KATNAL1: variants seen among roughly 807,000 people sequenced by gnomAD.
KATNAL1 encodes katanin p60 ATPase-containing subunit A-like 1.
In KATNAL1, 32 loss-of-function variants were observed where a neutral mutation model predicts 55.2. The observed-to-expected ratio is 0.58, with a 90% CI of 0.44 to 0.78. The LOEUF (loss-of-function observed/expected upper bound fraction) is 0.78. Among genes scored for constraint, KATNAL1 ranks in the 30% least tolerant of loss-of-function variants. The probability of loss-of-function intolerance (pLI) is 0.00; values close to 1 mark genes in which losing one functional copy is unlikely to be tolerated. For synonymous variants in KATNAL1, 193 were observed against 193.6 expected, an observed-to-expected ratio of 1.00 and a Z score of 0.02; for missense variants, 466 against 600.9, an observed-to-expected ratio of 0.78 and a Z score of 2.35.
At chr13:30,263,079 A>G (rs1377725255) in intron 3 of KATNAL1, among the ~76,000 whole-genome samples, 2 of 152,224 alleles carry the variant, frequency 1.3e-5, no homozygotes, top group Non-Finnish European at 2.9e-5. Flanking sequence ...ACAAATCAAT[A>G]AATGTAATCC....
chr13:30,258,004 T>C (rs1284902228), intron 3 of KATNAL1, among the ~76,000 whole-genome samples: 1 of 152,234 alleles, frequency 6.6e-6, no homozygotes, highest in Non-Finnish European at 1.5e-5. Flanking sequence ...AGTGACAGCT[T>C]CCAGGCTGTG....
intron 4 of KATNAL1, 147 bp downstream of exon 4, chr13:30,255,300 T>C (rs974718375): frequency 8.8e-6 from 5 of 565,012 alleles, no homozygotes; most frequent in African/African-American, 7.7e-5. Context: ...GCCTTCAAAA[T>C]ACAAAGACTA....
intron 1 of KATNAL1, among the ~76,000 whole-genome samples, chr13:30,303,363 G>A (rs1408531478): frequency 6.6e-6 from 1 of 152,072 alleles, no homozygotes; most frequent in Non-Finnish European, 1.5e-5. Flanking sequence ...ATTTCCCTGG[G>A]ACTACCATAT....
In KATNAL1 at chr13:30,244,858, A is replaced by G. The variant is rs1593878984; in HGVS notation, c.493-3772T>C. Among the ~76,000 whole-genome samples, 3 of 152,256 alleles carry G rather than the reference A, an allele frequency of 2.0e-5. No individual in the cohort carries two copies. The East Asian group carries it at 5.8e-4, about 29-fold the overall frequency. On this transcript the variant is annotated intron_variant, in intron 4 of 10. Transcript: ENST00000380615. The stretch of plus-strand genomic sequence containing the variant: ...CCCAAGACTAAACCAGGAAGAAGTC[A>G]AATCCCTGACTAGACCAATAACAAG...
At chr13:30,243,178 C>T (rs56178757) in intron 4 of KATNAL1, among the ~76,000 whole-genome samples, 1 of 152,046 alleles carries the variant, frequency 6.6e-6, no homozygotes, top group East Asian at 1.9e-4. Context: ...TACTTTTTTT[C>T]TCATGAAAGC....
At chr13:30,245,401 T>C (rs899775821) in intron 4 of KATNAL1, among the ~76,000 whole-genome samples, 4 of 152,230 alleles carry the variant, frequency 2.6e-5, no homozygotes, top group Middle Eastern at 3.4e-3. Context: ...ATGGAACATA[T>C]CTCAAAATAA....
At chr13:30,280,306 C>G in intron 2 of KATNAL1, 83 bp from the exon 3 acceptor site, 1 of 1,060,314 alleles carries the variant, frequency 9.4e-7, no homozygotes, top group East Asian at 2.8e-5. Context: ...ATAGAGTGCA[C>G]GTTTTCTTAA....
intron 1 of KATNAL1, among the ~76,000 whole-genome samples, chr13:30,299,456 TTAA>T (rs1385215765): frequency 6.6e-6 from 1 of 152,000 alleles, no homozygotes; most frequent in African/African-American, 2.4e-5. Flanking sequence ...ACTGAAGCAG[TTAA>T]TTTTTCCTCT....
intron 1 of KATNAL1, chr13:30,296,558 G>A: frequency 1.4e-6 from 1 of 734,682 alleles, no homozygotes. Context: ...TCCTTTGCCA[G>A]ATCACTGTTA....
At chr13:30,294,968 T>C (rs1055722104) in intron 1 of KATNAL1, among the ~76,000 whole-genome samples, 15 of 152,192 alleles carry the variant, frequency 9.9e-5, no homozygotes, top group African/African-American at 3.4e-4. Context: ...TAAGCCCAAC[T>C]TTGAGAGCTA....
chr13:30,260,563 C>T (rs191132278), intron 3 of KATNAL1, among the ~76,000 whole-genome samples: 18 of 152,102 alleles, frequency 1.2e-4, no homozygotes, highest in African/African-American at 4.3e-4. Flanking sequence ...TCGAGAACTA[C>T]GCAAAGAATG....
chr13:30,220,683 A>G (rs1221645367), intron 9 of KATNAL1, among the ~76,000 whole-genome samples: 1 of 152,026 alleles, frequency 6.6e-6, no homozygotes, highest in East Asian at 1.9e-4. Context: ...GAGCTCAATC[A>G]GTAAATTCTT....
chr13:30,261,720 G>C (rs1826053143), intron 3 of KATNAL1, among the ~76,000 whole-genome samples: 1 of 152,174 alleles, frequency 6.6e-6, no homozygotes, highest in Non-Finnish European at 1.5e-5. Flanking sequence ...CATACAGCAA[G>C]TCCTGAGTGA....
chr13:30,227,752 T>C (rs1322295515), intron 8 of KATNAL1, among the ~76,000 whole-genome samples: 1 of 150,146 alleles, frequency 6.7e-6, no homozygotes, highest in Non-Finnish European at 1.5e-5. Flanking sequence ...GTGTGGGATT[T>C]TTTTTTTCTT....
In KATNAL1 at chr13:30,241,076, T is replaced by C. The variant is rs1335321984; in HGVS notation, c.503A>G (p.Asn168Ser). 1 of 1,612,902 alleles carries C rather than the reference T, an allele frequency of 6.2e-7. No homozygotes were observed. The highest frequency in any genetic ancestry group is 1.3e-5 in the African/African-American group (1 of 75,020). The change falls in exon 5 of 11, where the codon AAT becomes AGT. Residue 168 changes from asparagine to serine, a missense_variant. By Grantham distance (46) the Asn-to-Ser change is conservative (BLOSUM62 1). Around this residue, in one of 3 missense-constraint regions of KATNAL1, gnomAD observed 248 missense variants for 275.5 expected, o/e 0.90. Coordinates refer to ENST00000380615, the MANE Select transcript of KATNAL1 (RefSeq NM_032116.5). ...ARGRDDKGRK[N>S]MQDGASDGEM... ...ACCATCACTTGCACCATCTTGCATA[T>C]TCTTCCTTCCCTGGGGATAGGTATA...
At chr13:30,286,153 G>A (rs370241556) in intron 1 of KATNAL1, among the ~76,000 whole-genome samples, 6 of 152,220 alleles carry the variant, frequency 3.9e-5, no homozygotes, top group African/African-American at 1.4e-4. Context: ...CCCATTTTCT[G>A]GGGAGAAATT....
intron 7 of KATNAL1, 35 bp from the exon 8 acceptor site, chr13:30,230,629 A>G: frequency 6.7e-7 from 1 of 1,500,146 alleles, no homozygotes; most frequent in African/African-American, 1.4e-5. Flanking sequence ...TCATTCAATA[A>G]TCTCATAAAA....
intron 3 of KATNAL1, among the ~76,000 whole-genome samples, chr13:30,274,896 C>CAT (rs1880675092): frequency 9.9e-6 from 1 of 100,612 alleles, no homozygotes; most frequent in African/African-American, 4.6e-5. Flanking sequence ...CACATACGCG[C>CAT]GCGCGCGCGC....
chr13:30,270,266 C>CG (rs1284841081), intron 3 of KATNAL1, among the ~76,000 whole-genome samples: 4 of 141,148 alleles, frequency 2.8e-5, no homozygotes, highest in Admixed American at 2.8e-4. Flanking sequence ...TCAGCCCCCC[C>CG]GCCCGGCCAG....
Sources: gnomAD v4.1 joint callset for allele counts (sites outside exome capture counted in the v4.1 genomes callset) on GRCh38, gnomAD v4.1.1 for gene constraint, gnomAD v4.1.1 regional missense constraint, MANE v1.5 for transcripts, NCBI Gene and HGNC (gene_info 2026-07-23, HGNC 2026-07-21) for gene names.